Variants in MAVS observed in about 807,000 individuals in gnomAD.
MAVS encodes mitochondrial antiviral signaling protein, also known as mitochondrial antiviral-signaling protein.
A neutral mutation model predicts 30.2 loss-of-function variants in MAVS; 20 were observed. The observed-to-expected ratio is 0.66, with a 90% CI of 0.47 to 0.96. The LOEUF (loss-of-function observed/expected upper bound fraction) is 0.96. MAVS is among the 40% of genes least tolerant of loss of function. The probability of loss-of-function intolerance (pLI) is 0.00; values close to 1 mark genes in which losing one functional copy is unlikely to be tolerated. For missense variants in MAVS, 624 were observed against 701.1 expected, an observed-to-expected ratio of 0.89 and a Z score of 1.24; for synonymous variants, 278 against 293.9, an observed-to-expected ratio of 0.95 and a Z score of 0.55.
chr20:3,866,969 T>C lies in MAVS; in HGVS notation c.*822T>C. 1 of 456,850 alleles carries C rather than the reference T, an allele frequency of 2.2e-6. No individual in the cohort carries two copies. Among genetic ancestry groups the C allele is most frequent in the South Asian group, 1.5e-5 (1 of 64,568 alleles). The allele number at this position is 456,850 out of a possible 1,614,324, so 28.3% of individuals were successfully genotyped here. On this transcript the variant is annotated 3_prime_UTR_variant, in exon 7 of 7. Coordinates refer to ENST00000428216, the MANE Select transcript of MAVS (RefSeq NM_020746.5). Reference sequence around the variant, plus strand: ...TTTGGCAGATGTCAGACTTCTGGTCTTGCTTCTCCACGTGGACAGTGAGTA... The same window carrying C: ...TTTGGCAGATGTCAGACTTCTGGTCCTGCTTCTCCACGTGGACAGTGAGTA...
chr20:3,862,628 C>T (rs1471380868), intron 5 of MAVS, among the ~76,000 whole-genome samples: 8 of 152,050 alleles, frequency 5.3e-5, no homozygotes, highest in Non-Finnish European at 1.2e-4. Flanking sequence ...TTTTTAGTAG[C>T]TTAAAATACA....
chr20:3,857,557 C>CG, intron 2 of MAVS, 78 bp from the exon 3 acceptor site: 2 of 1,486,024 alleles, frequency 1.3e-6, no homozygotes, highest in East Asian at 2.4e-5. Context: ...ACCCCTCCCC[C>CG]CGCTGTGGCT....
At chr20:3,862,123 C>A (rs973371735) in intron 4 of MAVS, 131 bp from the exon 5 acceptor site, 5 of 1,034,728 alleles carry the variant, frequency 4.8e-6, no homozygotes, top group Non-Finnish European at 6.9e-6. Flanking sequence ...AGAACCCAGG[C>A]AAGGGCTCCC....
chr20:3,854,742 G>C lies in MAVS; in HGVS notation c.117+1G>C, dbSNP rs1180920841. 4 of 1,607,882 alleles carry C rather than the reference G, an allele frequency of 2.5e-6. No individual in the cohort carries two copies. The highest frequency in any genetic ancestry group is 4.5e-5 in the East Asian group (2 of 44,824). On this transcript the variant is annotated splice_donor_variant, in intron 2 of 6. Transcript: ENST00000428216. LOFTEE classifies it high-confidence loss of function. ...GCCCTGCCTCACAGCAAGAGACCAG[G>C]TGAGCAAGGGAAGTGACAGCCCGAC...
Position 3,873,833 on chromosome 20 carries a change from T to C in MAVS, c.*7686T>C. On this transcript the variant is annotated 3_prime_UTR_variant, in exon 7 of 7. Transcript: ENST00000428216. ...TTGTAACCTGAATGGACCAAGCTGG[T>C]GTGACCCTGTTGGAAAACTGGCAGT... 1 of 331,786 alleles carries C rather than the reference T, an allele frequency of 3.0e-6. No homozygotes were observed. Among genetic ancestry groups the C allele is most frequent in the Non-Finnish European group, 5.4e-6 (1 of 184,160 alleles). 20.6% of individuals were successfully genotyped at this position (331,786 alleles called of 1,614,324 possible). A position where few individuals can be genotyped will look rare whatever the true frequency, so the allele number is the denominator to read the frequency against.
rs753700333 is a variant in MAVS, at chr20:3,854,658, A to G, written c.34A>G (p.Ile12Val). 5.3e-5 allele frequency: 85 copies of G among 1,613,782 alleles called. No individual in the cohort carries two copies. Among genetic ancestry groups the G allele is most frequent in the Non-Finnish European group, 6.8e-5 (80 of 1,179,906 alleles). ...TGCTGAAGACAAGACCTATAAGTAT[A>G]TCTGCCGCAATTTCAGCAATTTTTG... ...PFAEDKTYKY[I>V]CRNFSNFCNV... Residue 12 changes from isoleucine (I) to valine (V), a missense_variant, in exon 2 of 7, where the codon ATC becomes GTC. By Grantham distance (29) the Ile-to-Val change is conservative. Transcript: ENST00000428216.
intron 1 of MAVS, among the ~76,000 whole-genome samples, chr20:3,850,520 GCAGAGGT>G (rs2089750421): frequency 6.7e-6 from 1 of 149,270 alleles, no homozygotes; most frequent in Admixed American, 6.7e-5. Flanking sequence ...AACCCAGGAG[GCAGAGGT>G]TGCAGTGAGC....
rs1159960014 is a variant in MAVS, at chr20:3,864,522, G to A, written c.892G>A (p.Val298Met). ...EAPANSLPSK[V>M]PTTLMPVNTV... ...ACCTGCCAACTCTCTGCCCTCCAAAGTGCCTACCACCTTGATGCCTGTGAA... is the reference window on the plus strand; with the variant it reads ...ACCTGCCAACTCTCTGCCCTCCAAAATGCCTACCACCTTGATGCCTGTGAA... Residue 298 changes from valine to methionine, a missense_variant, in exon 6 of 7, where the codon GTG becomes ATG. Val to Met is a conservative substitution (Grantham distance 21, BLOSUM62 1). Coordinates refer to ENST00000428216, the MANE Select transcript of MAVS (RefSeq NM_020746.5). 10 of 1,613,994 alleles carry A rather than the reference G, an allele frequency of 6.2e-6. No individual in the cohort carries two copies. The East Asian group carries it at 6.7e-5, about 11-fold the overall frequency.
chr20:3,861,809 A>G (rs746354319), intron 4 of MAVS, among the ~76,000 whole-genome samples: 9 of 151,696 alleles, frequency 5.9e-5, no homozygotes, highest in Admixed American at 1.3e-4. Context: ...AGTGCAGTGG[A>G]GTGATCTTGG....
At chr20:3,847,771 C>G (rs922765574) in intron 1 of MAVS, among the ~76,000 whole-genome samples, 2 of 151,834 alleles carry the variant, frequency 1.3e-5, no homozygotes, top group Non-Finnish European at 2.9e-5. Flanking sequence ...GGTCTCGCTG[C>G]AGGGGTCTCT....
chr20:3,859,435 G>T (rs1411461989), intron 3 of MAVS, among the ~76,000 whole-genome samples: 1 of 151,846 alleles, frequency 6.6e-6, no homozygotes, highest in East Asian at 1.9e-4. Context: ...TTGAACCGGG[G>T]AGGTGGAGGT....
chr20:3,862,534 C>G (rs960983932), intron 5 of MAVS, 121 bp downstream of exon 5: 1 of 1,097,308 alleles, frequency 9.1e-7, no homozygotes, highest in East Asian at 2.7e-5. Flanking sequence ...GAGTTCAACC[C>G]AGGAAGCAAA....
rs144730402 is a variant in MAVS, at chr20:3,848,373, C to A, written c.-68+1470C>A. 9.8e-3 allele frequency among the ~76,000 whole-genome samples: 1,492 copies of A among 152,174 alleles called. 26 individuals carry two copies. Among genetic ancestry groups the A allele is most frequent in the African/African-American group, 0.032 (1,339 of 41,518 alleles). The stretch of plus-strand genomic sequence containing the variant: ...CTCGGCCTCCCAAAGTGCTGGGATT[C>A]CAGGCGTGAGCCACCGCGCCCGGCC... On this transcript the variant is annotated intron_variant, in intron 1 of 6. Coordinates refer to ENST00000428216, the MANE Select transcript of MAVS (RefSeq NM_020746.5).
intron 5 of MAVS, among the ~76,000 whole-genome samples, chr20:3,863,345 C>G (rs1258627107): frequency 6.6e-6 from 1 of 152,120 alleles, no homozygotes; most frequent in Non-Finnish European, 1.5e-5. Flanking sequence ...GCCCAGTCAG[C>G]CCTCAGTGCC....
In MAVS at chr20:3,865,416, G is replaced by A. The variant is rs893890124; in HGVS notation, c.1159-267G>A. 6.6e-6 allele frequency among the ~76,000 whole-genome samples: 1 copy of A among 152,156 alleles called. No individual in the cohort carries two copies. ...GGATGTCAGTGCAGGATGGAGCCCC[G>A]CCCTACCAAAGGCTTCCAGGTGGGC... On this transcript the variant is annotated intron_variant, in intron 6 of 6. Coordinates refer to ENST00000428216, the MANE Select transcript of MAVS (RefSeq NM_020746.5). This position sits in a 1 kb window ranked among gnomAD's most constrained non-coding sequence, Gnocchi z 4.7.
rs2146772017 is a variant in MAVS at position 3,861,461 on chromosome 20, C to T, written c.422C>T (p.Pro141Leu). ...TGCAGAGAGAAGGAGCCAAGTTACC[C>T]CATGCCTGTCCAGGAGACCCAGGCG... ...NSCREKEPSY[P>L]MPVQETQAPE... The change falls in exon 4 of 7, where the codon CCC becomes CTC. Residue 141 changes from proline to leucine, a missense_variant. By Grantham distance (98) the Pro-to-Leu change is moderately conservative (BLOSUM62 -3). Transcript: ENST00000428216. 1 of 1,614,154 alleles carries T rather than the reference C, an allele frequency of 6.2e-7. No homozygotes were observed. Among genetic ancestry groups the T allele is most frequent in the Middle Eastern group, 1.7e-4 (1 of 6,060 alleles).
At position 3,870,040 on chromosome 20, in the gene MAVS, A is replaced by G. The variant is rs1428039889; in HGVS notation, c.*3893A>G. ...AGCAGGGTGTGAATTGGCCAGTGTCAGATCTCAGGAGTCCTGTGTTGAGAG... is the reference window on the plus strand; with the variant it reads ...AGCAGGGTGTGAATTGGCCAGTGTCGGATCTCAGGAGTCCTGTGTTGAGAG... On this transcript the variant is annotated 3_prime_UTR_variant, in exon 7 of 7. Coordinates refer to ENST00000428216, the MANE Select transcript of MAVS (RefSeq NM_020746.5). 2.0e-5 allele frequency: 3 copies of G among 152,490 alleles called. No homozygotes were observed. Among genetic ancestry groups the G allele is most frequent in the African/African-American group, 7.2e-5 (3 of 41,580 alleles). 9.4% of individuals were successfully genotyped at this position (152,490 alleles called of 1,614,324 possible).
Position 3,857,710 on chromosome 20 carries a change from C to T in MAVS, c.193C>T (p.Arg65Trp), listed in dbSNP as rs78448735. The stretch of plus-strand genomic sequence containing the variant: ...GCATCTCTTCAATACCCTTCAGCGG[C>T]GGCCCGGCTGGGTGGAGTACTTCAT... Reference protein sequence around the residue: ...LWHLFNTLQRRPGWVEYFIAA... With the variant: ...LWHLFNTLQRWPGWVEYFIAA... The change falls in exon 3 of 7, where the codon CGG (arginine) becomes TGG (tryptophan). Residue 65 changes from arginine (R) to tryptophan (W), a missense_variant. Arg to Trp is a moderately radical substitution (Grantham distance 101, BLOSUM62 -3). Coordinates refer to ENST00000428216, the MANE Select transcript of MAVS (RefSeq NM_020746.5). 444 of 1,614,254 alleles carry T rather than the reference C, an allele frequency of 2.8e-4. No individual in the cohort carries two copies. Among genetic ancestry groups the T allele is most frequent in the Non-Finnish European group, 3.3e-4 (395 of 1,180,048 alleles).
At chr20:3,856,432 A>G (rs1187327524) in intron 2 of MAVS, among the ~76,000 whole-genome samples, 1 of 143,136 alleles carries the variant, frequency 7.0e-6, no homozygotes, top group Non-Finnish European at 1.5e-5. Flanking sequence ...TCTTGGGTCA[A>G]CCTCTGCCTC....
Sources: gnomAD v4.1 joint callset for allele counts (sites outside exome capture counted in the v4.1 genomes callset) on GRCh38, gnomAD v4.1.1 for gene constraint, Gnocchi (gnomAD v3.1) non-coding constraint, MANE v1.5 for transcripts, NCBI Gene and HGNC (gene_info 2026-07-23, HGNC 2026-07-21) for gene names.